Variants in NRG2 observed in about 807,000 individuals in gnomAD.
NRG2 encodes the protein neuregulin 2.
NRG2 carries 27 observed loss-of-function variants against 73.9 expected under a neutral mutation model. The ratio of observed to expected loss-of-function variants is 0.37; its 90% CI spans 0.27 to 0.50. The LOEUF (loss-of-function observed/expected upper bound fraction) is 0.50. NRG2 is among the 20% of genes least tolerant of loss of function. The pLI, the probability that NRG2 is intolerant of heterozygous loss-of-function variation, is 0.96. For synonymous variants in NRG2, 532 were observed against 541.0 expected (o/e 0.98, Z 0.23); for missense variants, 1,126 against 1,210.1 (o/e 0.93, Z 1.03).
chr5:139,864,683 T>G (rs1206761596), intron 5 of NRG2, among the ~76,000 whole-genome samples: 1 of 151,018 alleles, frequency 6.6e-6, no homozygotes, highest in Non-Finnish European at 1.5e-5. Context: ...TTCCAAACCC[T>G]CAAAACAAAC....
chr5:139,917,738 T>C (rs1199162718), intron 1 of NRG2, among the ~76,000 whole-genome samples: 1 of 152,226 alleles, frequency 6.6e-6, no homozygotes, highest in Non-Finnish European at 1.5e-5. Flanking sequence ...AGTTGGGTCA[T>C]TTATCTTTTT....
At chr5:139,893,200 AT>A (rs1482232673) in intron 1 of NRG2, among the ~76,000 whole-genome samples, 1 of 152,188 alleles carries the variant, frequency 6.6e-6, no homozygotes, top group East Asian at 1.9e-4. Flanking sequence ...CATTCAAAAC[AT>A]TTTTCCAAGT....
chr5:140,038,053 C>A (rs1028416577), intron 1 of NRG2, among the ~76,000 whole-genome samples: 1 of 151,818 alleles, frequency 6.6e-6, no homozygotes, highest in Non-Finnish European at 1.5e-5. Context: ...GGAAACTTTT[C>A]ATCATATATT....
rs540942625 is a variant in NRG2, at chr5:139,978,839, T to C, written c.700+63531A>G. Among the ~76,000 whole-genome samples the C allele has an allele frequency of 3.1e-3, 465 of 152,090 alleles. 1 individual carries two copies. The highest frequency in any genetic ancestry group is 8.8e-3 in the Admixed American group (135 of 15,276). On this transcript the variant is annotated intron_variant, in intron 1 of 9. Transcript: ENST00000361474. ...AGCAAAGACTTGGAACCAACCCAAA[T>C]GTCCATCAATGATAGACTGGATTAA... is the stretch of plus-strand genomic sequence containing the variant.
rs1458771921 is a variant in NRG2 at position 139,848,387 on chromosome 5, C to A, written c.2083G>T (p.Gly695Cys). 4.6e-5 allele frequency: 58 copies of A among 1,253,726 alleles called. 1 individual carries two copies. The highest frequency in any genetic ancestry group is 2.6e-4 in the East Asian group (8 of 30,466). The allele number at this position is 1,253,726 out of a possible 1,614,324, so 77.7% of individuals were successfully genotyped here. Residue 695 changes from glycine to cysteine, a missense_variant, in exon 10 of 10, where the codon GGC becomes TGC. Around this residue, in one of 3 missense-constraint regions of NRG2, gnomAD observed 402 missense variants for 357.8 expected, o/e 1.12. Coordinates refer to ENST00000361474, the MANE Select transcript of NRG2 (RefSeq NM_004883.3). ...GPRRGTCALGGSLGSLPASPF... is the reference protein window; with the variant it reads ...GPRRGTCALGCSLGSLPASPF... ...CTGGCAGGCAGGCTGCCCAGGCTGC[C>A]GCCGAGCGCGCAGGTCCCGCGCCGC...
chr5:139,918,665 A>C (rs1751446209), intron 1 of NRG2, among the ~76,000 whole-genome samples: 1 of 152,146 alleles, frequency 6.6e-6, no homozygotes, highest in Non-Finnish European at 1.5e-5. Context: ...CGCGTGAGCT[A>C]TTTAGACAGG....
At chr5:139,932,773 GAA>G (rs1752569738) in intron 1 of NRG2, among the ~76,000 whole-genome samples, 1 of 151,688 alleles carries the variant, frequency 6.6e-6, no homozygotes, top group Admixed American at 6.6e-5. Context: ...AGAGGAAAGA[GAA>G]AGAGAATAGA....
intron 6 of NRG2, 42 bp downstream of exon 6, chr5:139,855,634 C>T: frequency 6.6e-7 from 1 of 1,515,994 alleles, no homozygotes; most frequent in Non-Finnish European, 9.2e-7. Context: ...GAGGCCCATC[C>T]CTTGGCTTGG....
Position 139,871,778 on chromosome 5 carries a change from T to C in NRG2, c.1055A>G (p.Tyr352Cys). 6.2e-7 allele frequency: 1 copy of C among 1,614,108 alleles called. No individual in the cohort carries two copies. Among genetic ancestry groups the C allele is most frequent in the Non-Finnish European group, 8.5e-7 (1 of 1,180,006 alleles). ...GTAGCAGACGCCTCCATTGACGCAA[T>C]AGGACTTGGCTGTCTCGTTGCACTT... ...ARKCNETAKS[Y>C]CVNGGVCYYI... Residue 352 changes from tyrosine to cysteine, a missense_variant, in exon 4 of 10, where the codon TAT (tyrosine) becomes TGT (cysteine). Tyr to Cys is a radical substitution (Grantham distance 194). This residue lies in a region of NRG2 where 539 missense variants were observed against 703.2 expected (regional missense o/e 0.77). Coordinates refer to ENST00000361474, the MANE Select transcript of NRG2 (RefSeq NM_004883.3).
chr5:139,999,699 T>G (rs1342514536), intron 1 of NRG2, among the ~76,000 whole-genome samples: 1 of 152,194 alleles, frequency 6.6e-6, no homozygotes, highest in Non-Finnish European at 1.5e-5. Flanking sequence ...AGAACAGTCT[T>G]TACAAGGAGC....
chr5:139,994,945 T>C (rs1435855040), intron 1 of NRG2, among the ~76,000 whole-genome samples: 1 of 152,008 alleles, frequency 6.6e-6, no homozygotes, highest in Non-Finnish European at 1.5e-5. Context: ...AAGGAGGTTG[T>C]GAAGGGAGGT....
At chr5:139,855,809 G>A in intron 5 of NRG2, 31 bp from the exon 6 acceptor site, 1 of 1,557,974 alleles carries the variant, frequency 6.4e-7, no homozygotes, top group East Asian at 2.2e-5. Context: ...TGAGGGGTGG[G>A]GCAGGAGGCA....
At chr5:139,923,038 A>T (rs1751791457) in intron 1 of NRG2, among the ~76,000 whole-genome samples, 1 of 152,204 alleles carries the variant, frequency 6.6e-6, no homozygotes, top group Non-Finnish European at 1.5e-5. Flanking sequence ...ATGTCCTTAT[A>T]CACTTGTCCA....
chr5:139,984,928 T>C (rs1028285276), intron 1 of NRG2, among the ~76,000 whole-genome samples: 1 of 152,206 alleles, frequency 6.6e-6, no homozygotes, highest in Non-Finnish European at 1.5e-5. Context: ...GATACTTGCA[T>C]AGCATACCAT....
intron 1 of NRG2, among the ~76,000 whole-genome samples, chr5:139,942,934 A>C (rs957903949): frequency 1.3e-5 from 2 of 152,098 alleles, no homozygotes; most frequent in African/African-American, 4.8e-5. Flanking sequence ...TCCACCTTCT[A>C]GTTTCAAGCA....
At chr5:140,024,256 A>ATTT (rs34481367) in intron 1 of NRG2, among the ~76,000 whole-genome samples, 46 of 143,818 alleles carry the variant, frequency 3.2e-4, no homozygotes, top group African/African-American at 1.1e-3. Flanking sequence ...GAGTAAAACA[A>ATTT]TTTTTTTTTT....
chr5:139,935,146 C>T (rs941740964), intron 1 of NRG2, among the ~76,000 whole-genome samples: 9 of 151,782 alleles, frequency 5.9e-5, no homozygotes, highest in African/African-American at 1.5e-4. Context: ...CCAGCCTGGG[C>T]GACAGAGCGA....
In NRG2 at chr5:139,851,539, A is replaced by G; in HGVS notation, c.1772+65T>C. On this transcript the variant is annotated intron_variant, in intron 9 of 9. Transcript: ENST00000361474. The surrounding 1 kb of genome is among the most constrained non-coding windows in gnomAD (Gnocchi z 4.2). The stretch of plus-strand genomic sequence containing the variant: ...GTGTTTCTGAGGGGCCCTAAGGGTC[A>G]GCCTTGGGCCAGTGGTGCCAGCCCT... The G allele has an allele frequency of 6.7e-7, 1 of 1,485,528 alleles. No individual in the cohort carries two copies. Among genetic ancestry groups the G allele is most frequent in the Non-Finnish European group, 9.3e-7 (1 of 1,071,814 alleles). 92.0% of individuals were successfully genotyped at this position (1,485,528 alleles called of 1,614,324 possible).
chr5:139,872,831 A>G (rs529839962), intron 3 of NRG2, among the ~76,000 whole-genome samples: 1 of 152,292 alleles, frequency 6.6e-6, no homozygotes, highest in African/African-American at 2.4e-5. Context: ...CCCAAACATC[A>G]GTTTTAGATA....
Sources: gnomAD v4.1 joint callset for allele counts (sites outside exome capture counted in the v4.1 genomes callset) on GRCh38, gnomAD v4.1.1 for gene constraint, gnomAD v4.1.1 regional missense constraint, Gnocchi (gnomAD v3.1) non-coding constraint, MANE v1.5 for transcripts, NCBI Gene and HGNC (gene_info 2026-07-23, HGNC 2026-07-21) for gene names.